Variants in RAB11FIP5 observed in about 807,000 individuals in gnomAD.
RAB11FIP5 encodes the protein RAB11 family interacting protein 5.
A neutral mutation model predicts 85.1 loss-of-function variants in RAB11FIP5; 48 were observed. That is an observed-to-expected ratio of 0.56 (90% CI 0.45 to 0.72). RAB11FIP5 has a LOEUF of 0.72. Among genes scored for constraint, RAB11FIP5 ranks in the 30% least tolerant of loss-of-function variants. The pLI is 0.00. For synonymous variants in RAB11FIP5, 729 were observed against 727.3 expected, an observed-to-expected ratio of 1.00 and a Z score of -0.04; for missense variants, 1,491 against 1,687.0, an observed-to-expected ratio of 0.88 and a Z score of 2.04.
At chr2:73,082,844 T>C (rs541523050) in intron 3 of RAB11FIP5, among the ~76,000 whole-genome samples, 2 of 152,274 alleles carry the variant, frequency 1.3e-5, no homozygotes, top group East Asian at 1.9e-4. Context: ...GCTCTCAAAC[T>C]AGAGCTTCTC....
chr2:73,101,981 C>A (rs757416245), intron 1 of RAB11FIP5, among the ~76,000 whole-genome samples: 2 of 152,154 alleles, frequency 1.3e-5, no homozygotes, highest in African/African-American at 4.8e-5. Flanking sequence ...ACATAGCTAA[C>A]GGAAGATGGT....
chr2:73,104,701 A>C (rs1438146449), intron 1 of RAB11FIP5, among the ~76,000 whole-genome samples: 1 of 152,132 alleles, frequency 6.6e-6, no homozygotes, highest in Admixed American at 6.5e-5. Context: ...CCACACTCAC[A>C]GTTTCCCTGC....
rs1684135100 is a variant in RAB11FIP5, at chr2:73,088,387, T to C, written c.1231A>G (p.Lys411Glu). The part of the protein sequence containing the change: ...LGQEELSAQA[K>E]VLAPGASHPG... ...TGGCTGGCCCCAGGGGCCAGGACTT[T>C]AGCCTGAGCACTCAGCTCCTCCTGT... Residue 411 changes from lysine (K) to glutamate (E), a missense_variant, in exon 3 of 6, where the codon AAA becomes GAA. Lys to Glu is a moderately conservative substitution (Grantham distance 56, BLOSUM62 1). This residue lies in a region of RAB11FIP5 where 1,211 missense variants were observed against 1,338.0 expected (regional missense o/e 0.91). Coordinates refer to ENST00000486777, the MANE Select transcript of RAB11FIP5 (RefSeq NM_001371272.1). 6.2e-7 allele frequency: 1 copy of C among 1,613,768 alleles called. No homozygotes were observed. Among genetic ancestry groups the C allele is most frequent in the Non-Finnish European group, 8.5e-7 (1 of 1,179,990 alleles).
rs1423196608 is a variant in RAB11FIP5 at position 73,112,737 on chromosome 2, G to T, written c.41C>A (p.Ser14Tyr). The T allele has an allele frequency of 2.0e-6, 3 of 1,505,572 alleles. No individual in the cohort carries two copies. The highest frequency in any genetic ancestry group is 2.7e-6 in the Non-Finnish European group (3 of 1,129,448). 93.3% of individuals were successfully genotyped at this position (1,505,572 alleles called of 1,614,324 possible). A position where few individuals can be genotyped will look rare whatever the true frequency, so the allele number is the denominator to read the frequency against. Residue 14 changes from serine to tyrosine, a missense_variant, in exon 1 of 6, where the codon TCC (serine) becomes TAC (tyrosine). Physicochemically the swap from Ser to Tyr is moderately radical, Grantham distance 144. This residue lies in a region of RAB11FIP5 where 1,211 missense variants were observed against 1,338.0 expected (regional missense o/e 0.91). Coordinates refer to ENST00000486777, the MANE Select transcript of RAB11FIP5 (RefSeq NM_001371272.1). The stretch of plus-strand genomic sequence containing the variant: ...CTGGACGTGCGTGGGCAGCCAGCGG[G>T]AAGGCCCCGCCGCCGGCTCCGCGCC... ...VRGAEPAAGPSRWLPTHVQVT... is the reference protein window; with the variant it reads ...VRGAEPAAGPYRWLPTHVQVT...
chr2:73,105,853 C>A lies in RAB11FIP5; in HGVS notation c.431+6494G>T, dbSNP rs112911812. The stretch of plus-strand genomic sequence containing the variant: ...GGCAGTGTGGTGTGGTGGCCAAGAG[C>A]ATAGACTGGGAAGCCAGACTGCCTG... On this transcript the variant is annotated intron_variant, in intron 1 of 5. Transcript: ENST00000486777. Among the ~76,000 whole-genome samples, 972 of 152,176 alleles carry A rather than the reference C, an allele frequency of 6.4e-3. 13 individuals are homozygous for A. Among genetic ancestry groups the A allele is most frequent in the African/African-American group, 0.02 (837 of 41,530 alleles).
In RAB11FIP5 at chr2:73,081,798, CAGG is replaced by C. The variant is rs1014599962; in HGVS notation, c.1569-138_1569-136del. The C allele has an allele frequency of 2.6e-5, 21 of 822,858 alleles. No individual in the cohort carries two copies. The highest frequency in any genetic ancestry group is 3.2e-5 in the Non-Finnish European group (20 of 615,418). The allele number at this position is 822,858 out of a possible 1,614,324, so 51.0% of individuals were successfully genotyped here. Reference sequence around the variant, plus strand: ...ATAGGCTGGATTTACCTACTTGGGCCAGGGTACAGAGGGAAGACCCCAACATGT... The same window carrying C: ...ATAGGCTGGATTTACCTACTTGGGCCGTACAGAGGGAAGACCCCAACATGT... On this transcript the variant is annotated intron_variant, in intron 3 of 5. Coordinates refer to ENST00000486777, the MANE Select transcript of RAB11FIP5 (RefSeq NM_001371272.1). The surrounding 1 kb of genome is among the most constrained non-coding windows in gnomAD (Gnocchi z 4.2).
At chr2:73,092,312 C>T (rs978852984) in intron 1 of RAB11FIP5, among the ~76,000 whole-genome samples, 17 of 152,210 alleles carry the variant, frequency 1.1e-4, no homozygotes, top group African/African-American at 3.6e-4. Context: ...GTCAGGGGCC[C>T]TCAGCCCCAG....
chr2:73,094,933 GA>G (rs1263008485), intron 1 of RAB11FIP5, among the ~76,000 whole-genome samples: 2 of 151,674 alleles, frequency 1.3e-5, no homozygotes, highest in African/African-American at 4.9e-5. Context: ...TCCTAGATCA[GA>G]AACCACTGGA....
At chr2:73,094,241 A>G (rs974620817) in intron 1 of RAB11FIP5, among the ~76,000 whole-genome samples, 5 of 151,844 alleles carry the variant, frequency 3.3e-5, no homozygotes, top group African/African-American at 1.2e-4. Context: ...CTACCTGATC[A>G]AGGTTTTTTC....
rs1302431617 is a variant in RAB11FIP5, at chr2:73,089,165, C to T, written c.582G>A (p.Arg194=). 1 of 1,614,088 alleles carries T rather than the reference C, an allele frequency of 6.2e-7. No individual in the cohort carries two copies. Among genetic ancestry groups the T allele is most frequent in the Non-Finnish European group, 8.5e-7 (1 of 1,180,030 alleles). ...DKPRSPFSKI[R]DKMKGKKKYD... is the part of the protein sequence containing the mutation. ...ACTTCTTCTTGCCCTTCATCTTGTC[C>T]CTGATCTTGCTGAAGGGAGACCTTG... The change falls in exon 2 of 6, where the codon AGG becomes AGA. Residue 194 remains arginine, a synonymous_variant. Transcript: ENST00000486777. This position sits in a 1 kb window ranked among gnomAD's most constrained non-coding sequence, Gnocchi z 4.6.
In RAB11FIP5 at chr2:73,089,620, C is replaced by CA. The variant is rs1278554497; in HGVS notation, c.432-306dup. Reference sequence around the variant, plus strand: ...CACCCCAGGACCTTCTCCTGGTGCTCAGAGACCTCTCCTCTGCCCCATCTC... The same window carrying CA: ...CACCCCAGGACCTTCTCCTGGTGCTCAAGAGACCTCTCCTCTGCCCCATCTC... On this transcript the variant is annotated intron_variant, in intron 1 of 5. Transcript: ENST00000486777. This position sits in a 1 kb window ranked among gnomAD's most constrained non-coding sequence, Gnocchi z 4.6. 2.2e-6 allele frequency: 1 copy of CA among 455,838 alleles called. No homozygotes were observed. The allele number at this position is 455,838 out of a possible 1,614,324, so 28.2% of individuals were successfully genotyped here.
chr2:73,088,041 A>G lies in RAB11FIP5; in HGVS notation c.1568+9T>C, dbSNP rs572075758. On this transcript the variant is annotated intron_variant, in intron 3 of 5. Coordinates refer to ENST00000486777, the MANE Select transcript of RAB11FIP5 (RefSeq NM_001371272.1). Reference sequence around the variant, plus strand: ...CCAAGGAGCAAAGTTGGTCTTGCCAACGACTTACCTGGGTTTCTGAGTCGG... The same window carrying G: ...CCAAGGAGCAAAGTTGGTCTTGCCAGCGACTTACCTGGGTTTCTGAGTCGG... 93 of 1,578,286 alleles carry G rather than the reference A, an allele frequency of 5.9e-5. No homozygotes were observed. The highest frequency in any genetic ancestry group is 7.5e-5 in the Non-Finnish European group (87 of 1,161,494).
At chr2:73,091,030 A>G (rs1267057212) in intron 1 of RAB11FIP5, among the ~76,000 whole-genome samples, 1 of 152,212 alleles carries the variant, frequency 6.6e-6, no homozygotes, top group Admixed American at 6.5e-5. Flanking sequence ...GTTTTTCTGT[A>G]AACTTAAAAC....
At position 73,073,697 on chromosome 2, in the gene RAB11FIP5, A is replaced by G. The variant is rs367677375; in HGVS notation, c.*1824T>C. 1.3e-5 allele frequency: 2 copies of G among 152,342 alleles called. No individual in the cohort carries two copies. Among genetic ancestry groups the G allele is most frequent in the African/African-American group, 4.8e-5 (2 of 41,572 alleles). 9.4% of individuals were successfully genotyped at this position (152,342 alleles called of 1,614,324 possible). A position where few individuals can be genotyped will look rare whatever the true frequency, so the allele number is the denominator to read the frequency against. ...GGGGGGGTGACTCCCCCTCTCTCAG[A>G]AAAGATACTTACTTCTCTAATACCC... On this transcript the variant is annotated 3_prime_UTR_variant, in exon 6 of 6. Transcript: ENST00000486777.
Position 73,075,580 on chromosome 2 carries a change from C to G in RAB11FIP5, c.3916G>C (p.Val1306Leu). ...ELESYIDRLLVRIMETSPTLL... is the reference protein window; with the variant it reads ...ELESYIDRLLLRIMETSPTLL... ...GTGGGTGAGGTCTCCATGATCCGCA[C>G]CAGCAGCCGGTCGATGTAGCTCTCC... The change falls in exon 6 of 6, where the codon GTG (valine) becomes CTG (leucine). Residue 1306 changes from valine (V) to leucine (L), a missense_variant. Around this residue, in one of 3 missense-constraint regions of RAB11FIP5, gnomAD observed 232 missense variants for 259.1 expected, o/e 0.90. Coordinates refer to ENST00000486777, the MANE Select transcript of RAB11FIP5 (RefSeq NM_001371272.1). The surrounding 1 kb of genome is among the most constrained non-coding windows in gnomAD (Gnocchi z 4.6). 1 of 1,614,112 alleles carries G rather than the reference C, an allele frequency of 6.2e-7. No individual in the cohort carries two copies. Among genetic ancestry groups the G allele is most frequent in the Non-Finnish European group, 8.5e-7 (1 of 1,179,976 alleles).
rs1214878251 is a variant in RAB11FIP5 at position 73,088,463 on chromosome 2, G to GT, written c.1154dup (p.Asp385GlufsTer9). The GT allele has an allele frequency of 1.4e-5, 22 of 1,613,850 alleles. No individual in the cohort carries two copies. Among genetic ancestry groups the GT allele is most frequent in the Non-Finnish European group, 1.9e-5 (22 of 1,180,060 alleles). On this transcript the variant is annotated frameshift_variant, in exon 3 of 6. Coordinates refer to ENST00000486777, the MANE Select transcript of RAB11FIP5 (RefSeq NM_001371272.1). LOFTEE classifies it high-confidence loss of function. The stretch of plus-strand genomic sequence containing the variant: ...TGCTACGACTGCCTCTGGGCCAGGT[G>GT]TCATCTGTGGAACGAGGCCCCTCCT...
At position 73,081,318 on chromosome 2, in the gene RAB11FIP5, C is replaced by A; in HGVS notation, c.1914G>T (p.Leu638=). Residue 638 remains leucine, a synonymous_variant, in exon 4 of 6, where the codon CTG becomes CTT. Coordinates refer to ENST00000486777, the MANE Select transcript of RAB11FIP5 (RefSeq NM_001371272.1). The surrounding 1 kb of genome is among the most constrained non-coding windows in gnomAD (Gnocchi z 4.2). The part of the protein sequence containing the change: ...PSASRASPTP[L]ASPGKALPEW... Reference sequence around the variant, plus strand: ...CAGGCAGGGCTTTCCCAGGGGAGGCCAGGGGGGTGGGGCTGGCCCTCGAGG... The same window carrying A: ...CAGGCAGGGCTTTCCCAGGGGAGGCAAGGGGGGTGGGGCTGGCCCTCGAGG... 1 of 1,232,816 alleles carries A rather than the reference C, an allele frequency of 8.1e-7. No individual in the cohort carries two copies. The highest frequency in any genetic ancestry group is 1.0e-6 in the Non-Finnish European group (1 of 988,516). 76.4% of individuals were successfully genotyped at this position (1,232,816 alleles called of 1,614,324 possible).
At position 73,089,567 on chromosome 2, in the gene RAB11FIP5, G is replaced by T; in HGVS notation, c.432-252C>A. ...AGCTCCTCGGGTGCCACCAGGTAGG[G>T]CGGCGGTTACCACACCATGCCTCCT... is the stretch of plus-strand genomic sequence containing the variant. On this transcript the variant is annotated intron_variant, in intron 1 of 5. Coordinates refer to ENST00000486777, the MANE Select transcript of RAB11FIP5 (RefSeq NM_001371272.1). The surrounding 1 kb of genome is among the most constrained non-coding windows in gnomAD (Gnocchi z 4.6). 1.8e-6 allele frequency: 1 copy of T among 566,088 alleles called. No individual in the cohort carries two copies. The highest frequency in any genetic ancestry group is 3.2e-6 in the Non-Finnish European group (1 of 311,800). The allele number at this position is 566,088 out of a possible 1,614,324, so 35.1% of individuals were successfully genotyped here.
Position 73,088,466 on chromosome 2 carries a change from A to G in RAB11FIP5, c.1152T>C (p.Asp384=), listed in dbSNP as rs746014225. 3.1e-6 allele frequency: 5 copies of G among 1,613,888 alleles called. No individual in the cohort carries two copies. The African/African-American group carries it at 6.7e-5, about 22-fold the overall frequency. The part of the protein sequence containing the change: ...RFSEEGPRST[D]DTWPRGSRSN... Reference sequence around the variant, plus strand: ...TACGACTGCCTCTGGGCCAGGTGTCATCTGTGGAACGAGGCCCCTCCTCGG... The same window carrying G: ...TACGACTGCCTCTGGGCCAGGTGTCGTCTGTGGAACGAGGCCCCTCCTCGG... Residue 384 remains aspartate (D), a synonymous_variant, in exon 3 of 6, where the codon GAT becomes GAC. Coordinates refer to ENST00000486777, the MANE Select transcript of RAB11FIP5 (RefSeq NM_001371272.1).
Sources: allele counts gnomAD v4.1 joint callset (sites outside exome capture counted in the v4.1 genomes callset), GRCh38; gene constraint gnomAD v4.1.1; regional missense constraint gnomAD v4.1.1; non-coding constraint Gnocchi (gnomAD v3.1); transcripts MANE v1.5; gene names NCBI Gene and HGNC (gene_info 2026-07-23, HGNC 2026-07-21).